ATG7: variants seen among roughly 807,000 people sequenced by gnomAD.
ATG7 encodes the protein ubiquitin-like modifier-activating enzyme ATG7.
ATG7 carries 70 observed loss-of-function variants against 82.4 expected under a neutral mutation model. That is an observed-to-expected ratio of 0.85 (90% CI 0.70 to 1.04). The LOEUF (loss-of-function observed/expected upper bound fraction) is 1.04. Ranked by LOEUF, ATG7 falls within the 50% of genes least tolerant of loss-of-function variation. The pLI, the probability that ATG7 is intolerant of heterozygous loss-of-function variation, is 0.00. For missense variants in ATG7, 792 were observed against 864.3 expected (o/e 0.92, Z 1.05); for synonymous variants, 287 against 313.0 (o/e 0.92, Z 0.88).
At chr3:11,311,660 T>C (rs917966948) in intron 7 of ATG7, among the ~76,000 whole-genome samples, 1 of 152,108 alleles carries the variant, frequency 6.6e-6, no homozygotes, top group Non-Finnish European at 1.5e-5. Context: ...TTTAACCTTT[T>C]ACTAAATATC....
At chr3:11,342,630 T>C (rs1480619210) in intron 13 of ATG7, among the ~76,000 whole-genome samples, 1 of 152,240 alleles carries the variant, frequency 6.6e-6, no homozygotes, top group Non-Finnish European at 1.5e-5. Context: ...CATAGCATAC[T>C]ATCTATAACA....
intron 20 of ATG7, among the ~76,000 whole-genome samples, chr3:11,442,922 A>G (rs140177486): frequency 6.6e-6 from 1 of 152,116 alleles, no homozygotes; most frequent in Non-Finnish European, 1.5e-5. Context: ...CCTTGGCTGT[A>G]CAACAAACAA....
At chr3:11,562,401 A>G (rs1266148142), downstream of ATG7, among the ~76,000 whole-genome samples, 1 of 152,046 alleles carries the variant, frequency 6.6e-6, no homozygotes, top group South Asian at 2.1e-4. Context: ...CACACAGAGG[A>G]AGGCTTCCAC....
chr3:11,504,244 A>G (rs2091552482), intron 20 of ATG7, among the ~76,000 whole-genome samples: 1 of 152,234 alleles, frequency 6.6e-6, no homozygotes, highest in South Asian at 2.1e-4. Context: ...CAATGCAACA[A>G]TGCTTTCAAA....
chr3:11,276,838 A>G (rs1482070543), intron 1 of ATG7, among the ~76,000 whole-genome samples: 2 of 152,138 alleles, frequency 1.3e-5, no homozygotes, highest in East Asian at 3.9e-4. Context: ...ACTTGTTTAT[A>G]TGCTCATGAC....
chr3:11,406,928 C>T (rs759387998), intron 19 of ATG7, among the ~76,000 whole-genome samples: 12 of 152,148 alleles, frequency 7.9e-5, no homozygotes, highest in Admixed American at 2.6e-4. Context: ...CAAACCATAT[C>T]ATTCTGGCCC....
intron 11 of ATG7, among the ~76,000 whole-genome samples, chr3:11,338,292 C>CT (rs1417704844): frequency 1.3e-5 from 2 of 152,044 alleles, no homozygotes; most frequent in Non-Finnish European, 2.9e-5. Flanking sequence ...TGATCTCGTT[C>CT]TTTTTTTATG....
chr3:11,385,970 T>C (rs2078288420), intron 19 of ATG7, among the ~76,000 whole-genome samples: 1 of 152,224 alleles, frequency 6.6e-6, no homozygotes, highest in Admixed American at 6.5e-5. Flanking sequence ...AGCTGCTGTT[T>C]TGAATTTTAC....
intron 20 of ATG7, among the ~76,000 whole-genome samples, chr3:11,428,775 C>G (rs2082593521): frequency 6.6e-6 from 1 of 152,096 alleles, no homozygotes; most frequent in African/African-American, 2.4e-5. Flanking sequence ...GTTTTGCCAC[C>G]CAGCTAGAAG....
At chr3:11,561,758 G>A (rs191860077), downstream of ATG7, among the ~76,000 whole-genome samples, 23 of 152,190 alleles carry the variant, frequency 1.5e-4, no homozygotes, top group East Asian at 3.1e-3. Context: ...GGGCCAGTAT[G>A]AGCCCTGTCA....
intron 20 of ATG7, among the ~76,000 whole-genome samples, chr3:11,495,838 A>C (rs1255610129): frequency 1.3e-5 from 2 of 152,164 alleles, no homozygotes; most frequent in Non-Finnish European, 2.9e-5. Flanking sequence ...AACTTCCCAC[A>C]TTCTCCCTTT....
chr3:11,304,068 G>C (rs1178950582), intron 5 of ATG7, among the ~76,000 whole-genome samples: 2 of 152,176 alleles, frequency 1.3e-5, no homozygotes, highest in Admixed American at 6.5e-5. Context: ...TCCAGCCTGG[G>C]TGACAGAGTG....
intron 9 of ATG7, among the ~76,000 whole-genome samples, chr3:11,324,658 A>T (rs1950618970): frequency 6.6e-6 from 1 of 152,058 alleles, no homozygotes; most frequent in Non-Finnish European, 1.5e-5. Context: ...TTTTTTTTTC[A>T]CTATTCTACC....
intron 20 of ATG7, among the ~76,000 whole-genome samples, chr3:11,504,046 C>G (rs913492826): frequency 2.0e-5 from 3 of 152,106 alleles, no homozygotes; most frequent in African/African-American, 7.2e-5. Context: ...ACAAATGTCT[C>G]CATTGAGAGA....
At chr3:11,424,290 T>C (rs1186890100) in intron 19 of ATG7, among the ~76,000 whole-genome samples, 1 of 152,134 alleles carries the variant, frequency 6.6e-6, no homozygotes, top group Non-Finnish European at 1.5e-5. Context: ...TATTTAAAAT[T>C]GTCTAATTTT....
downstream of ATG7, chr3:11,559,366 C>G: frequency 1.3e-6 from 2 of 1,551,238 alleles, no homozygotes; most frequent in South Asian, 2.4e-5. Context: ...CAGGCCCGGG[C>G]GCGGCACAGC....
At chr3:11,475,902 CA>C in intron 20 of ATG7, among the ~76,000 whole-genome samples, 2 of 151,418 alleles carry the variant, frequency 1.3e-5, no homozygotes, top group South Asian at 4.2e-4. Context: ...CACACACACA[CA>C]CACACCCCCT....
intron 3 of ATG7, among the ~76,000 whole-genome samples, chr3:11,286,894 C>T (rs534190606): frequency 2.9e-5 from 4 of 137,730 alleles, no homozygotes; most frequent in Admixed American, 7.6e-5. Context: ...TGTGAGCCAC[C>T]GCACCCAACC....
chr3:11,325,996 G>A (rs1950823711), intron 9 of ATG7, among the ~76,000 whole-genome samples: 1 of 152,070 alleles, frequency 6.6e-6, no homozygotes, highest in African/African-American at 2.4e-5. Context: ...TGACCTATAG[G>A]GTATTTTCTT....
Sources: allele counts gnomAD v4.1 joint callset (sites outside exome capture counted in the v4.1 genomes callset), GRCh38; gene constraint gnomAD v4.1.1; transcripts MANE v1.5; gene names NCBI Gene and HGNC (gene_info 2026-07-23, HGNC 2026-07-21).